The following HERC2 variants were observed in gnomAD, a reference collection of about 807,000 sequenced individuals.
HERC2 encodes HECT and RLD domain containing E3 ubiquitin protein ligase 2, also known as E3 ubiquitin-protein ligase HERC2.
Under a neutral mutation model 537.7 loss-of-function variants are expected in HERC2, and 102 were observed. That is an observed-to-expected ratio of 0.19 (90% CI 0.16 to 0.22). The LOEUF is 0.22. Among genes scored for constraint, HERC2 ranks in the 10% least tolerant of loss-of-function variants. The probability of loss-of-function intolerance (pLI) is 1.00; values close to 1 mark genes in which losing one functional copy is unlikely to be tolerated. For missense variants in HERC2, 4,236 were observed against 6,198.2 expected (o/e 0.68, Z 10.63); for synonymous variants, 2,224 against 2,466.2 (o/e 0.90, Z 2.91).
At chr15:28,244,435 C>T (rs1903458870) in intron 23 of HERC2, among the ~76,000 whole-genome samples, 1 of 151,984 alleles carries the variant, frequency 6.6e-6, no homozygotes, top group Non-Finnish European at 1.5e-5. Context: ...AGTAAGGTGG[C>T]GATGACCACA....
At chr15:28,276,551 A>G (rs1383907575) in intron 5 of HERC2, among the ~76,000 whole-genome samples, 1 of 152,096 alleles carries the variant, frequency 6.6e-6, no homozygotes, top group Non-Finnish European at 1.5e-5. Context: ...CTTGGCCAAC[A>G]TGGCAAAACC....
At position 28,169,557 on chromosome 15, in the gene HERC2, A is replaced by G; in HGVS notation, c.10156T>C (p.Ser3386Pro). ...TGTTTGGCCAGATTTCCATCCAATG[A>G]CAAGAGAATCTTGGCAAGAGAAGGG... ...NRPSLAKILL[S>P]LDGNLAKQQA... Residue 3386 changes from serine to proline, a missense_variant, in exon 66 of 93, where the codon TCA (serine) becomes CCA (proline). Around this residue, in one of 27 missense-constraint regions of HERC2, gnomAD observed 356 missense variants for 450.9 expected, o/e 0.79. Transcript: ENST00000261609. The G allele has an allele frequency of 6.2e-7, 1 of 1,612,540 alleles. No homozygotes were observed. The highest frequency in any genetic ancestry group is 8.5e-7 in the Non-Finnish European group (1 of 1,178,640).
At chr15:28,199,558 A>T (rs1199776306) in intron 48 of HERC2, among the ~76,000 whole-genome samples, 2 of 152,192 alleles carry the variant, frequency 1.3e-5, no homozygotes, top group Non-Finnish European at 1.5e-5. Flanking sequence ...CAGCTAATGA[A>T]CTCAGAGAAG....
chr15:28,142,458 T>C, intron 75 of HERC2, 65 bp from the exon 76 acceptor site: 2 of 1,512,372 alleles, frequency 1.3e-6, no homozygotes, highest in Admixed American at 4.0e-5. Context: ...CCAAGGTTTC[T>C]GTGGCTCCTT....
At chr15:28,124,875 G>T in intron 84 of HERC2, 131 bp downstream of exon 84, 1 of 948,964 alleles carries the variant, frequency 1.1e-6, no homozygotes, top group Non-Finnish European at 1.5e-6. Flanking sequence ...TAAATGCACT[G>T]TGTGGTTAAC....
intron 2 of HERC2, among the ~76,000 whole-genome samples, chr15:28,301,143 G>A (rs1297456573): frequency 3.3e-5 from 5 of 151,732 alleles, no homozygotes; most frequent in Admixed American, 6.6e-5. Flanking sequence ...GGCCAGGTGC[G>A]GTGGCTCACG....
intron 37 of HERC2, 137 bp from the exon 38 acceptor site, chr15:28,218,808 C>T: frequency 1.3e-6 from 1 of 775,030 alleles, no homozygotes; most frequent in Non-Finnish European, 2.2e-6. Context: ...TAGGTTCACG[C>T]AAAATTGAAA....
intron 4 of HERC2, among the ~76,000 whole-genome samples, chr15:28,288,131 C>T (rs1314281670): frequency 6.6e-6 from 1 of 152,080 alleles, no homozygotes; most frequent in African/African-American, 2.4e-5. Context: ...ACTTCTCTGT[C>T]AGAAGATCTA....
At chr15:28,287,740 G>GTTTTTTTTTTTTTTTTTT (rs1461307820) in intron 4 of HERC2, among the ~76,000 whole-genome samples, 3 of 141,050 alleles carry the variant, frequency 2.1e-5, no homozygotes, top group African/African-American at 2.7e-5. Flanking sequence ...TTTTTTTTTG[G>GTTTTTTTTTTTTTTTTTT]TTTGAGATGG....
intron 17 of HERC2, 144 bp downstream of exon 17, chr15:28,256,917 G>A (rs1183127389): frequency 2.3e-5 from 17 of 737,362 alleles, no homozygotes; most frequent in Admixed American, 8.7e-5. Flanking sequence ...TTTAAGACTC[G>A]CGTCCATTAT....
chr15:28,220,772 C>A lies in HERC2; in HGVS notation c.5653-128G>T, dbSNP rs1900444228. 4 of 730,872 alleles carry A rather than the reference C, an allele frequency of 5.5e-6. No homozygotes were observed. The South Asian group carries it at 6.6e-5, about 12-fold the overall frequency. The allele number at this position is 730,872 out of a possible 1,614,324, so 45.3% of individuals were successfully genotyped here. Reference sequence around the variant, plus strand: ...TGGTCCTTCCATGGCTCCCAGCAGACCTCAGTTAGGAGGGTGTGTGCCCTG... The same window carrying A: ...TGGTCCTTCCATGGCTCCCAGCAGAACTCAGTTAGGAGGGTGTGTGCCCTG... On this transcript the variant is annotated intron_variant, in intron 36 of 92. Coordinates refer to ENST00000261609, the MANE Select transcript of HERC2 (RefSeq NM_004667.6).
At chr15:28,284,668 A>C (rs2076105864) in intron 4 of HERC2, among the ~76,000 whole-genome samples, 2 of 152,162 alleles carry the variant, frequency 1.3e-5, no homozygotes, top group Non-Finnish European at 2.9e-5. Context: ...CACGCCTGTA[A>C]TCCTAGCACT....
chr15:28,137,930 C>T (rs1596025157), intron 78 of HERC2, among the ~76,000 whole-genome samples: 1 of 152,196 alleles, frequency 6.6e-6, no homozygotes, highest in Non-Finnish European at 1.5e-5. Context: ...AAGTGCAATT[C>T]TTGTAAACAC....
In HERC2 at chr15:28,176,963, A is replaced by T; in HGVS notation, c.9419T>A (p.Leu3140Gln). 2 of 1,612,536 alleles carry T rather than the reference A, an allele frequency of 1.2e-6. No individual in the cohort carries two copies. Among genetic ancestry groups the T allele is most frequent in the Non-Finnish European group, 8.5e-7 (1 of 1,178,942 alleles). ...RLGHGDNTTQ[L>Q]KPKMVKVLLG... ...GCGTATAATCACCATTTTGGGCTTT[A>T]GCTGTGTCGTATTATCCCCATGTCC... is the stretch of plus-strand genomic sequence containing the variant. The change falls in exon 61 of 93, where the codon CTA (leucine) becomes CAA (glutamine). Residue 3140 changes from leucine to glutamine, a missense_variant. Physicochemically the swap from Leu to Gln is moderately radical, Grantham distance 113. Around this residue, in one of 27 missense-constraint regions of HERC2, gnomAD observed 606 missense variants for 884.5 expected, o/e 0.69. Coordinates refer to ENST00000261609, the MANE Select transcript of HERC2 (RefSeq NM_004667.6). This position sits in a 1 kb window ranked among gnomAD's most constrained non-coding sequence, Gnocchi z 5.0.
intron 48 of HERC2, 122 bp from the exon 49 acceptor site, chr15:28,198,891 TA>T (rs1897618124): frequency 5.4e-6 from 5 of 926,720 alleles, no homozygotes; most frequent in Non-Finnish European, 8.2e-6. Flanking sequence ...CTCACGTCTG[TA>T]ATCCTAGCAC....
rs746442771 is a variant in HERC2, at chr15:28,236,946, A to T, written c.4003+17T>A. 3 of 1,610,542 alleles carry T rather than the reference A, an allele frequency of 1.9e-6. No individual in the cohort carries two copies. Among genetic ancestry groups the T allele is most frequent in the Non-Finnish European group, 2.5e-6 (3 of 1,178,684 alleles). ...AAAAATAATCTGCTGATCAGCAAAAAGCAAAGATTTTCTTACTGGCACATT... is the reference window on the plus strand; with the variant it reads ...AAAAATAATCTGCTGATCAGCAAAATGCAAAGATTTTCTTACTGGCACATT... On this transcript the variant is annotated intron_variant, in intron 26 of 92. Transcript: ENST00000261609.
chr15:28,136,618 C>T (rs1356861816), intron 78 of HERC2, among the ~76,000 whole-genome samples: 1 of 149,100 alleles, frequency 6.7e-6, no homozygotes, highest in Admixed American at 6.5e-5. Flanking sequence ...ATAACTACAA[C>T]AGGAGTTGGC....
chr15:28,162,979 A>T, intron 69 of HERC2, 115 bp downstream of exon 69: 1 of 863,504 alleles, frequency 1.2e-6, no homozygotes, highest in Non-Finnish European at 1.8e-6. Flanking sequence ...GCAGTCTACT[A>T]GGATGAAACC....
chr15:28,191,826 A>C (rs1389863872), intron 53 of HERC2, 135 bp downstream of exon 53: 2 of 652,552 alleles, frequency 3.1e-6, no homozygotes, highest in Non-Finnish European at 5.1e-6. Flanking sequence ...AATAACTTAT[A>C]AATTAAAACA....
Sources: gnomAD v4.1 joint callset for allele counts (sites outside exome capture counted in the v4.1 genomes callset) on GRCh38, gnomAD v4.1.1 for gene constraint, gnomAD v4.1.1 regional missense constraint, Gnocchi (gnomAD v3.1) non-coding constraint, MANE v1.5 for transcripts, NCBI Gene and HGNC (gene_info 2026-07-23, HGNC 2026-07-21) for gene names.